GPC6: variants seen among roughly 807,000 people sequenced by gnomAD.
The protein encoded by GPC6 is glypican 6.
A neutral mutation model predicts 55.2 loss-of-function variants in GPC6; 14 were observed. The ratio of observed to expected loss-of-function variants is 0.25; its 90% CI spans 0.17 to 0.40. GPC6 has a LOEUF of 0.40. GPC6 is among the 10% of genes least tolerant of loss of function. GPC6 has a pLI of 1.00. For missense variants in GPC6, 641 were observed against 708.5 expected, an observed-to-expected ratio of 0.90 and a Z score of 1.08; for synonymous variants, 278 against 259.6, an observed-to-expected ratio of 1.07 and a Z score of -0.68.
chr13:93,495,344 G>A (rs924946331), intron 1 of GPC6, among the ~76,000 whole-genome samples: 4 of 147,352 alleles, frequency 2.7e-5, no homozygotes, highest in South Asian at 2.2e-4. Flanking sequence ...CATTCTTCAC[G>A]TAGTTCTCGA....
intron 2 of GPC6, among the ~76,000 whole-genome samples, chr13:93,670,111 G>A (rs1456557529): frequency 6.6e-6 from 1 of 152,050 alleles, no homozygotes; most frequent in Non-Finnish European, 1.5e-5. Context: ...TCTTCCTTTG[G>A]GATGTATACT....
In GPC6 at chr13:93,772,934, G is replaced by T. The variant is rs116964156; in HGVS notation, c.320-57220G>T. On this transcript the variant is annotated intron_variant, in intron 2 of 8. Coordinates refer to ENST00000377047, the MANE Select transcript of GPC6 (RefSeq NM_005708.5). ...AAGGATGGATAAAGTGCTAGGAAAA[G>T]TTGTTATCATCTAAAAAACCAGAAT... Among the ~76,000 whole-genome samples, 54 of 152,148 alleles carry T rather than the reference G, an allele frequency of 3.5e-4. No homozygotes were observed. The East Asian group carries it at 0.01, about 28-fold the overall frequency.
upstream of GPC6, among the ~76,000 whole-genome samples, chr13:93,224,220 GTTTC>G (rs1467034019): frequency 7.7e-5 from 10 of 129,162 alleles, no homozygotes; most frequent in African/African-American, 2.7e-4. Flanking sequence ...TTGAGACGGA[GTTTC>G]TTTCTTGTTG....
At chr13:93,802,393 CA>C (rs1462215011) in intron 2 of GPC6, among the ~76,000 whole-genome samples, 2 of 144,824 alleles carry the variant, frequency 1.4e-5, no homozygotes, top group Middle Eastern at 3.5e-3. Flanking sequence ...AAAGCACACA[CA>C]AAAAAAGTAC....
chr13:93,476,000 C>T (rs1879289725), intron 1 of GPC6, among the ~76,000 whole-genome samples: 1 of 151,412 alleles, frequency 6.6e-6, no homozygotes, highest in Admixed American at 6.6e-5. Flanking sequence ...TGTTCATGTC[C>T]TCTTAAATAT....
chr13:93,658,010 A>G (rs577290790), intron 2 of GPC6, among the ~76,000 whole-genome samples: 182 of 152,218 alleles, frequency 1.2e-3, no homozygotes, highest in African/African-American at 4.1e-3. Flanking sequence ...GGAAATGTAA[A>G]TTAGTTCAGC....
At chr13:93,882,060 C>T (rs759386433) in intron 3 of GPC6, among the ~76,000 whole-genome samples, 1 of 151,770 alleles carries the variant, frequency 6.6e-6, no homozygotes, top group Non-Finnish European at 1.5e-5. Context: ...CTCCCTCCCT[C>T]CTTTCTTTTC....
intron 1 of GPC6, among the ~76,000 whole-genome samples, chr13:93,239,717 C>T (rs1277874490): frequency 2.0e-5 from 3 of 151,620 alleles, no homozygotes; most frequent in South Asian, 2.1e-4. Context: ...TGAGGTGTGA[C>T]ATTGGTTGTC....
intron 2 of GPC6, among the ~76,000 whole-genome samples, chr13:93,826,339 A>G (rs1403366462): frequency 2.0e-5 from 3 of 152,164 alleles, no homozygotes; most frequent in Non-Finnish European, 4.4e-5. Context: ...ACATGTGTGT[A>G]TTTCTGGGTT....
intron 1 of GPC6, among the ~76,000 whole-genome samples, chr13:93,298,863 C>A (rs1878583447): frequency 6.6e-6 from 1 of 151,410 alleles, no homozygotes; most frequent in African/African-American, 2.4e-5. Flanking sequence ...AGATGCAATC[C>A]CTTCCGTTGG....
intron 3 of GPC6, among the ~76,000 whole-genome samples, chr13:93,995,477 C>T (rs1881503684): frequency 6.6e-6 from 1 of 152,110 alleles, no homozygotes; most frequent in African/African-American, 2.4e-5. Flanking sequence ...CAAGAGCCAC[C>T]GCACCCAACC....
intron 6 of GPC6, among the ~76,000 whole-genome samples, chr13:94,339,754 T>TC (rs1877929700): frequency 8.3e-6 from 1 of 120,364 alleles, no homozygotes; most frequent in Non-Finnish European, 1.9e-5. Context: ...TACTTTCCTT[T>TC]TTTTTTTTTT....
intron 1 of GPC6, among the ~76,000 whole-genome samples, chr13:93,295,637 C>T (rs1279878619): frequency 1.3e-5 from 2 of 151,832 alleles, no homozygotes; most frequent in African/African-American, 4.8e-5. Context: ...CCTGCTACTG[C>T]GCTCGGGTAA....
chr13:93,649,089 G>C (rs1041415370), intron 2 of GPC6, among the ~76,000 whole-genome samples: 8 of 152,198 alleles, frequency 5.3e-5, no homozygotes, highest in African/African-American at 1.7e-4. Context: ...ATGGTAACTT[G>C]AACTATATGG....
chr13:94,333,577 G>T (rs1877533449), intron 6 of GPC6, among the ~76,000 whole-genome samples: 1 of 152,200 alleles, frequency 6.6e-6, no homozygotes, highest in African/African-American at 2.4e-5. Context: ...ATTAGTAAAT[G>T]AAATGTGTAA....
Position 93,227,645 on chromosome 13 carries a change from C to CTGCA in GPC6, c.160+30_160+33dup. 6.4e-7 allele frequency: 1 copy of CTGCA among 1,562,850 alleles called. No individual in the cohort carries two copies. Among genetic ancestry groups the CTGCA allele is most frequent in the Non-Finnish European group, 8.7e-7 (1 of 1,155,942 alleles). On this transcript the variant is annotated intron_variant, in intron 1 of 8. Transcript: ENST00000377047. This position sits in a 1 kb window ranked among gnomAD's most constrained non-coding sequence, Gnocchi z 4.3. ...AGCGCGGGCGCGCTGCAGGGGCAGG[C>CTGCA]TGCAGCCCTCGGCTGCCGCACGTCC...
intron 3 of GPC6, among the ~76,000 whole-genome samples, chr13:94,013,218 G>GTA (rs10644543): frequency 0.26 from 38,909 of 150,200 alleles, 4,923 homozygotes; most frequent in Middle Eastern, 0.3. Flanking sequence ...ATGTGTGTAT[G>GTA]TATATATATA....
chr13:93,550,145 A>G (rs1339264785), intron 2 of GPC6, among the ~76,000 whole-genome samples: 2 of 152,100 alleles, frequency 1.3e-5, no homozygotes, highest in Admixed American at 6.6e-5. Flanking sequence ...ATCAATGAAG[A>G]TGTATTATTA....
chr13:93,941,660 G>T (rs554471782), intron 3 of GPC6, among the ~76,000 whole-genome samples: 23 of 152,302 alleles, frequency 1.5e-4, no homozygotes, highest in African/African-American at 5.3e-4. Flanking sequence ...ACACACATTT[G>T]TGGAGATTCT....
Sources: allele counts gnomAD v4.1 joint callset (sites outside exome capture counted in the v4.1 genomes callset), GRCh38; gene constraint gnomAD v4.1.1; non-coding constraint Gnocchi (gnomAD v3.1); transcripts MANE v1.5; gene names NCBI Gene and HGNC (gene_info 2026-07-23, HGNC 2026-07-21).